The following ARSK variants were observed in gnomAD, a reference collection of about 807,000 sequenced individuals.
ARSK encodes the protein arylsulfatase family member K.
ARSK carries 37 observed loss-of-function variants against 53.2 expected under a neutral mutation model. The observed-to-expected ratio is 0.70, with a 90% CI of 0.54 to 0.92. The LOEUF (loss-of-function observed/expected upper bound fraction) is 0.92, where lower values mean the gene tolerates loss of function less well. Among genes scored for constraint, ARSK ranks in the 40% least tolerant of loss-of-function variants. The pLI is 0.00. For synonymous variants in ARSK, 208 were observed against 223.2 expected (o/e 0.93, Z 0.61); for missense variants, 613 against 643.0 (o/e 0.95, Z 0.51).
chr5:95,565,862 A>G, intron 1 of ARSK, 136 bp from the exon 2 acceptor site: 1 of 804,184 alleles, frequency 1.2e-6, no homozygotes, highest in Non-Finnish European at 1.9e-6. Flanking sequence ...CACCCTCTAT[A>G]CTTGTTTTGT....
At chr5:95,587,121 C>T (rs1287829489) in intron 5 of ARSK, among the ~76,000 whole-genome samples, 1 of 152,060 alleles carries the variant, frequency 6.6e-6, no homozygotes, top group East Asian at 1.9e-4. Flanking sequence ...TCTTGTGACT[C>T]CCCAAAACTT....
intron 2 of ARSK, among the ~76,000 whole-genome samples, chr5:95,567,508 G>T (rs1033769217): frequency 6.6e-6 from 1 of 152,214 alleles, no homozygotes; most frequent in African/African-American, 2.4e-5. Flanking sequence ...GATCCTTAAG[G>T]ATGTTGGGGA....
chr5:95,586,410 T>C (rs988151520), intron 4 of ARSK, 152 bp from the exon 5 acceptor site: 10 of 620,882 alleles, frequency 1.6e-5, no homozygotes, highest in Admixed American at 3.4e-5. Flanking sequence ...TCCTAATTTA[T>C]GTATTGATTT....
intron 7 of ARSK, among the ~76,000 whole-genome samples, chr5:95,602,355 G>T (rs1032800027): frequency 1.3e-5 from 2 of 152,162 alleles, no homozygotes; most frequent in African/African-American, 2.4e-5. Flanking sequence ...CCAAAAAACT[G>T]ATGTGACTAT....
rs1730670031 is a variant in ARSK at position 95,555,118 on chromosome 5, G to A, written c.-161G>A. On this transcript the variant is annotated 5_prime_UTR_variant, in exon 1 of 8. Coordinates refer to ENST00000380009, the MANE Select transcript of ARSK (RefSeq NM_198150.3). The surrounding 1 kb of genome is among the most constrained non-coding windows in gnomAD (Gnocchi z 4.0). The stretch of plus-strand genomic sequence containing the variant: ...TTGCGCATGTGCGCGCTCTCCGCCT[G>A]ATAGGAGTTGTAGTTCTGCGGGTGA... 3.6e-6 allele frequency: 2 copies of A among 554,268 alleles called. No homozygotes were observed. The highest frequency in any genetic ancestry group is 6.2e-6 in the Non-Finnish European group (2 of 320,834). The allele number at this position is 554,268 out of a possible 1,614,324, so 34.3% of individuals were successfully genotyped here.
At position 95,586,575 on chromosome 5, in the gene ARSK, C is replaced by G; in HGVS notation, c.713C>G (p.Ala238Gly). ...LYWLEKVSHD[A>G]IKIPKWSPLS... ...TCCCCTTTTTAGGTGTCTCATGATG[C>G]CATCAAAATCCCAAAGTGGTCACCT... The change falls in exon 5 of 8, where the codon GCC becomes GGC. Residue 238 changes from alanine (A) to glycine (G), a missense_variant. Coordinates refer to ENST00000380009, the MANE Select transcript of ARSK (RefSeq NM_198150.3). 2 of 1,611,298 alleles carry G rather than the reference C, an allele frequency of 1.2e-6. No homozygotes were observed. Among genetic ancestry groups the G allele is most frequent in the Non-Finnish European group, 1.7e-6 (2 of 1,179,070 alleles).
intron 6 of ARSK, among the ~76,000 whole-genome samples, chr5:95,594,552 G>A (rs1274042613): frequency 6.6e-6 from 1 of 152,088 alleles, no homozygotes; most frequent in Non-Finnish European, 1.5e-5. Flanking sequence ...ATTAGAAATA[G>A]TCCTTCTTGC....
At chr5:95,598,500 C>CA (rs1224526508) in intron 6 of ARSK, among the ~76,000 whole-genome samples, 1 of 152,192 alleles carries the variant, frequency 6.6e-6, no homozygotes, top group Non-Finnish European at 1.5e-5. Flanking sequence ...TTTATTCTAT[C>CA]AATAATAGAC....
At chr5:95,577,398 G>T (rs548250265) in intron 3 of ARSK, among the ~76,000 whole-genome samples, 1 of 152,108 alleles carries the variant, frequency 6.6e-6, no homozygotes, top group African/African-American at 2.4e-5. Context: ...GTAGTCTTTG[G>T]CATTTATTTT....
chr5:95,587,299 C>T (rs1749129971), intron 5 of ARSK, among the ~76,000 whole-genome samples: 1 of 152,186 alleles, frequency 6.6e-6, no homozygotes, highest in African/African-American at 2.4e-5. Context: ...CTGTCAAGAA[C>T]ATTTTACCTG....
At chr5:95,578,691 T>C (rs759220029) in intron 3 of ARSK, among the ~76,000 whole-genome samples, 1 of 152,184 alleles carries the variant, frequency 6.6e-6, no homozygotes, top group Non-Finnish European at 1.5e-5. Context: ...CAGTGGACTC[T>C]TAGGAAGCTG....
chr5:95,601,652 T>A (rs976639515), intron 7 of ARSK, among the ~76,000 whole-genome samples: 1 of 152,202 alleles, frequency 6.6e-6, no homozygotes, highest in Non-Finnish European at 1.5e-5. Context: ...TAAGCAGCAT[T>A]TTTAGATTCA....
intron 1 of ARSK, among the ~76,000 whole-genome samples, chr5:95,562,822 A>G (rs1748664904): frequency 6.6e-6 from 1 of 152,236 alleles, no homozygotes; most frequent in Admixed American, 6.5e-5. Context: ...AACCATAGGA[A>G]TGGCCTTGAG....
At chr5:95,562,404 T>C (rs1295882771) in intron 1 of ARSK, among the ~76,000 whole-genome samples, 1 of 152,150 alleles carries the variant, frequency 6.6e-6, no homozygotes, top group Non-Finnish European at 1.5e-5. Flanking sequence ...CAGGAGTGTT[T>C]ACTAGAGAGT....
At position 95,586,727 on chromosome 5, in the gene ARSK, A is replaced by G. The variant is rs764719102; in HGVS notation, c.865A>G (p.Met289Val). The G allele has an allele frequency of 8.8e-6, 14 of 1,589,694 alleles. No individual in the cohort carries two copies. The highest frequency in any genetic ancestry group is 1.2e-5 in the Non-Finnish European group (14 of 1,171,166). Residue 289 changes from methionine (M) to valine (V), a missense_variant, in exon 5 of 8, where the codon ATG (methionine) becomes GTG (valine). Met to Val is a conservative substitution (Grantham distance 21). Transcript: ENST00000380009. Reference sequence around the variant, plus strand: ...TGCTATGTGTGCTGAGACAGATGCCATGCTTGGTAGGTGGTATAATTAATA... The same window carrying G: ...TGCTATGTGTGCTGAGACAGATGCCGTGCTTGGTAGGTGGTATAATTAATA... ...YYAMCAETDA[M>V]LGEIILALHQ...
chr5:95,572,555 G>C (rs1335270534), intron 3 of ARSK, among the ~76,000 whole-genome samples: 2 of 152,212 alleles, frequency 1.3e-5, no homozygotes, highest in African/African-American at 4.8e-5. Flanking sequence ...GAGGCGGGCA[G>C]ATCACGAGGT....
In ARSK at chr5:95,583,513, G is replaced by A. The variant is rs113736684; in HGVS notation, c.699+315G>A. ...CCAGATTGTAAAAATGACCATGCAA[G>A]ATGAAACCACATAAAACAACCTTAA... On this transcript the variant is annotated intron_variant, in intron 4 of 7. Transcript: ENST00000380009. Among the ~76,000 whole-genome samples the A allele has an allele frequency of 1.6e-3, 243 of 152,182 alleles. 3 individuals are homozygous for A. The highest frequency in any genetic ancestry group is 5.7e-3 in the African/African-American group (237 of 41,542).
rs547076735 is a variant in ARSK at position 95,564,236 on chromosome 5, C to T, written c.127-1762C>T. Among the ~76,000 whole-genome samples, 4 of 152,236 alleles carry T rather than the reference C, an allele frequency of 2.6e-5. No homozygotes were observed. In the South Asian group the frequency reaches 8.3e-4, roughly 32 times the overall value. ...CAGGTGATCTGCCTGCCTCAGCCTC[C>T]CAAAGAGCTGGGATTACAGGCATGA... On this transcript the variant is annotated intron_variant, in intron 1 of 7. Coordinates refer to ENST00000380009, the MANE Select transcript of ARSK (RefSeq NM_198150.3).
intron 1 of ARSK, among the ~76,000 whole-genome samples, chr5:95,565,711 A>G (rs757251567): frequency 3.3e-5 from 5 of 152,210 alleles, no homozygotes; most frequent in Non-Finnish European, 5.9e-5. Context: ...TCTGGCACAT[A>G]GTTAAGTATT....
Sources: allele counts gnomAD v4.1 joint callset (sites outside exome capture counted in the v4.1 genomes callset), GRCh38; gene constraint gnomAD v4.1.1; non-coding constraint Gnocchi (gnomAD v3.1); transcripts MANE v1.5; gene names NCBI Gene and HGNC (gene_info 2026-07-23, HGNC 2026-07-21).